The following MYOM1 variants were observed in gnomAD, a reference collection of about 807,000 sequenced individuals.
The protein encoded by MYOM1 is myomesin 1.
Under a neutral mutation model 205.3 loss-of-function variants are expected in MYOM1, and 164 were observed. That is an observed-to-expected ratio of 0.80 (90% CI 0.70 to 0.91). MYOM1 has a LOEUF of 0.91. Among genes scored for constraint, MYOM1 ranks in the 40% least tolerant of loss-of-function variants. MYOM1 has a pLI of 0.00. For missense variants in MYOM1, 2,011 were observed against 2,127.3 expected, an observed-to-expected ratio of 0.95 and a Z score of 1.08; for synonymous variants, 772 against 789.4, an observed-to-expected ratio of 0.98 and a Z score of 0.37.
chr18:3,193,306 ATATATATGTATATG>A (rs2080940093), intron 3 of MYOM1, among the ~76,000 whole-genome samples: 2 of 146,232 alleles, frequency 1.4e-5, no homozygotes, highest in African/African-American at 2.6e-5. Context: ...ATACATACAT[ATATATATGTATATG>A]TACATATACA....
At chr18:3,216,775 G>A (rs1385330004) in intron 1 of MYOM1, among the ~76,000 whole-genome samples, 3 of 152,158 alleles carry the variant, frequency 2.0e-5, no homozygotes, top group Admixed American at 6.5e-5. Context: ...ACTCATTCTC[G>A]CCGATGTCTG....
the MYOM1 span, among the ~76,000 whole-genome samples, chr18:3,234,278 G>A: frequency 6.6e-6 from 1 of 152,188 alleles, no homozygotes; most frequent in Non-Finnish European, 1.5e-5. Flanking sequence ...ATGTTTACAA[G>A]CCAGTTTGGG....
intron 33 of MYOM1, among the ~76,000 whole-genome samples, 172 bp from the exon 34 acceptor site, chr18:3,079,514 C>T (rs1304912413): frequency 6.6e-6 from 1 of 151,890 alleles, no homozygotes; most frequent in Non-Finnish European, 1.5e-5. Flanking sequence ...CACACAGAAC[C>T]GGGATTCCAG....
intron 19 of MYOM1, 29 bp downstream of exon 19, chr18:3,126,672 C>T (rs753482800): frequency 1.9e-5 from 30 of 1,590,576 alleles, no homozygotes; most frequent in African/African-American, 4.0e-5. Context: ...ACATAGGACA[C>T]GCCACACTAC....
At position 3,136,451 on chromosome 18, in the gene MYOM1, G is replaced by A. The variant is rs1012455083; in HGVS notation, c.2026-721C>T. Among the ~76,000 whole-genome samples, 3 of 151,492 alleles carry A rather than the reference G, an allele frequency of 2.0e-5. No individual in the cohort carries two copies. In the South Asian group the frequency reaches 6.3e-4, roughly 32 times the overall value. ...TTATTTTATTTTATTTTTGAGACAG[G>A]GTCTTACCCTGTCACCTGGGCTGGA... On this transcript the variant is annotated intron_variant, in intron 14 of 37. Coordinates refer to ENST00000356443, the MANE Select transcript of MYOM1 (RefSeq NM_003803.4).
At chr18:3,149,877 A>G (rs7243719) in intron 12 of MYOM1, among the ~76,000 whole-genome samples, 12,634 of 152,154 alleles carry the variant, frequency 0.083, 1,783 homozygotes, top group African/African-American at 0.29. Context: ...TAAAGAAGGT[A>G]ACTTATTTTT....
intron 10 of MYOM1, among the ~76,000 whole-genome samples, chr18:3,163,008 G>GGGAC (rs2080416346): frequency 8.1e-6 from 1 of 123,438 alleles, no homozygotes; most frequent in South Asian, 2.6e-4. Flanking sequence ...TCCAGCCTGG[G>GGGAC]TGACTGAGAC....
rs755041659 is a variant in MYOM1, at chr18:3,135,905, C to G, written c.2026-175G>C. Among the ~76,000 whole-genome samples, 1 of 152,162 alleles carries G rather than the reference C, an allele frequency of 6.6e-6. No individual in the cohort carries two copies. The highest frequency in any genetic ancestry group is 1.5e-5 in the Non-Finnish European group (1 of 68,038). On this transcript the variant is annotated intron_variant, in intron 14 of 37. Transcript: ENST00000356443. The surrounding 1 kb of genome is among the most constrained non-coding windows in gnomAD (Gnocchi z 4.1). ...AGGCATCTGAAGTTCGTAGGATTCT[C>G]TAAATCAAACTTGGCTTTTGATACG...
chr18:3,213,954 T>C (rs2081221928), intron 2 of MYOM1, among the ~76,000 whole-genome samples: 1 of 152,230 alleles, frequency 6.6e-6, no homozygotes, highest in Non-Finnish European at 1.5e-5. Context: ...TAAGCTCCAC[T>C]CTTCCTAGAA....
upstream of MYOM1, among the ~76,000 whole-genome samples, chr18:3,222,998 T>C (rs1322928185): frequency 6.6e-6 from 1 of 152,096 alleles, no homozygotes; most frequent in Non-Finnish European, 1.5e-5. Flanking sequence ...TTCTCCCACC[T>C]CAGCCTCCCG....
At chr18:3,117,532 A>T (rs1333976593) in intron 20 of MYOM1, among the ~76,000 whole-genome samples, 1 of 152,242 alleles carries the variant, frequency 6.6e-6, no homozygotes, top group Non-Finnish European at 1.5e-5. Context: ...TGCAGGGAGA[A>T]AGCCAAAATG....
chr18:3,195,318 A>G (rs527315947), intron 2 of MYOM1, among the ~76,000 whole-genome samples: 3 of 152,366 alleles, frequency 2.0e-5, no homozygotes, highest in Admixed American at 2.0e-4. Flanking sequence ...GATGAGCATT[A>G]AAACTAAAGG....
chr18:3,186,707 G>A (rs1039442843), intron 5 of MYOM1, among the ~76,000 whole-genome samples: 1 of 147,880 alleles, frequency 6.8e-6, no homozygotes, highest in African/African-American at 2.5e-5. Context: ...TATGCTCTCT[G>A]GTAAAAAAAA....
At chr18:3,233,834 G>C in the MYOM1 span, among the ~76,000 whole-genome samples, 1 of 152,204 alleles carries the variant, frequency 6.6e-6, no homozygotes, top group African/African-American at 2.4e-5. Flanking sequence ...AGACCATACA[G>C]ACTCTTTTTC....
chr18:3,198,463 T>A (rs1200997606), intron 2 of MYOM1, among the ~76,000 whole-genome samples: 1 of 152,170 alleles, frequency 6.6e-6, no homozygotes, highest in Non-Finnish European at 1.5e-5. Flanking sequence ...CCTGACATAA[T>A]TCAATAAATG....
intron 8 of MYOM1, among the ~76,000 whole-genome samples, chr18:3,172,988 A>C (rs528834922): frequency 6.6e-6 from 1 of 152,326 alleles, no homozygotes; most frequent in Non-Finnish European, 1.5e-5. Flanking sequence ...TCAGCCACAG[A>C]CATCAAGCTA....
rs766295696 is a variant in MYOM1, at chr18:3,094,167, T to G, written c.3864+3A>C. The G allele has an allele frequency of 5.0e-6, 8 of 1,613,864 alleles. No individual in the cohort carries two copies. The Admixed American group carries it at 5.0e-5, about 10-fold the overall frequency. ...TAAAAAGTCTAAACAGTGTAAAACC[T>G]ACCGGGCCTTCAAAAATTTCCTTCT... On this transcript the variant is annotated splice_donor_region_variant and intron_variant, in intron 26 of 37. Coordinates refer to ENST00000356443, the MANE Select transcript of MYOM1 (RefSeq NM_003803.4).
chr18:3,082,689 G>A (rs2079098204), intron 33 of MYOM1, among the ~76,000 whole-genome samples: 1 of 152,152 alleles, frequency 6.6e-6, no homozygotes, highest in Non-Finnish European at 1.5e-5. Flanking sequence ...TTCAGCTCAG[G>A]ATATTTCAAG....
chr18:3,132,462 T>TA (rs2079892325), intron 16 of MYOM1, among the ~76,000 whole-genome samples: 1 of 152,136 alleles, frequency 6.6e-6, no homozygotes, highest in African/African-American at 2.4e-5. Context: ...CTCATATATA[T>TA]TTTTTAACTT....
Sources: allele counts gnomAD v4.1 joint callset (sites outside exome capture counted in the v4.1 genomes callset), GRCh38; gene constraint gnomAD v4.1.1; non-coding constraint Gnocchi (gnomAD v3.1); transcripts MANE v1.5; gene names NCBI Gene and HGNC (gene_info 2026-07-23, HGNC 2026-07-21).